The following TLE4 variants were observed in gnomAD, a reference collection of about 807,000 sequenced individuals.
TLE4 encodes the protein TLE family member 4, transcriptional corepressor.
TLE4 carries 8 observed loss-of-function variants against 92.8 expected under a neutral mutation model. That is an observed-to-expected ratio of 0.09 (90% CI 0.05 to 0.16). The LOEUF (loss-of-function observed/expected upper bound fraction) is 0.16. Among genes scored for constraint, TLE4 ranks in the 10% least tolerant of loss-of-function variants. TLE4 has a pLI of 1.00. For synonymous variants in TLE4, 371 were observed against 374.1 expected (o/e 0.99, Z 0.10); for missense variants, 675 against 997.6 (o/e 0.68, Z 4.36).
rs1457959773 is a variant in TLE4, at chr9:79,707,151, C to T, written c.936+252C>T. ...AGGGATATGGGGAAATTGAGTGAAA[C>T]ACGTCTTAGCGAAGATGAACAATGC... On this transcript the variant is annotated intron_variant, in intron 11 of 19. Transcript: ENST00000376552. 3.7e-6 allele frequency: 6 copies of T among 1,612,916 alleles called. No individual in the cohort carries two copies. In the East Asian group the frequency reaches 1.3e-4, roughly 36 times the overall value.
intron 14 of TLE4, among the ~76,000 whole-genome samples, chr9:79,713,014 C>T (rs982477923): frequency 1.3e-5 from 2 of 152,312 alleles, no homozygotes; most frequent in African/African-American, 4.8e-5. Flanking sequence ...AAACCTTCAA[C>T]GAGTATTTGT....
intron 5 of TLE4, among the ~76,000 whole-genome samples, chr9:79,626,415 G>A (rs1287453260): frequency 1.3e-5 from 2 of 152,162 alleles, no homozygotes; most frequent in Admixed American, 6.5e-5. Flanking sequence ...GTTTCACGGC[G>A]CAGTTCCTTT....
rs1554811338 is a variant in TLE4, at chr9:79,724,849, T to TGAAAA, written c.2215-188_2215-187insGAAAA. Among the ~76,000 whole-genome samples the TGAAAA allele has an allele frequency of 1.9e-4, 5 of 25,978 alleles. 1 individual carries two copies. Among genetic ancestry groups the TGAAAA allele is most frequent in the Non-Finnish European group, 2.6e-4 (4 of 15,466 alleles). The allele number at this position is 25,978 out of a possible 152,430, so 17.0% of individuals were successfully genotyped here. On this transcript the variant is annotated intron_variant, in intron 19 of 19. Transcript: ENST00000376552. ...GTGACTGAGGGAGACCCTGTCTTAT[T>TGAAAA]AAAAAAAAAAAAAAAAAAAAAAAAA...
At chr9:79,628,375 A>T (rs1189861754) in intron 6 of TLE4, among the ~76,000 whole-genome samples, 1 of 151,948 alleles carries the variant, frequency 6.6e-6, no homozygotes, top group Non-Finnish European at 1.5e-5. Context: ...GTTTACTTTC[A>T]TTAAAATTCA....
intron 4 of TLE4, among the ~76,000 whole-genome samples, chr9:79,584,033 G>C (rs911674792): frequency 2.0e-5 from 3 of 152,202 alleles, no homozygotes; most frequent in African/African-American, 7.2e-5. Context: ...GATCAGCACG[G>C]GGGTGGAGAT....
chr9:79,597,471 G>GT (rs997148645), intron 4 of TLE4, among the ~76,000 whole-genome samples: 194 of 151,858 alleles, frequency 1.3e-3, no homozygotes, highest in African/African-American at 4.4e-3. Flanking sequence ...GAATCTCAGG[G>GT]TTTTTTTTCT....
chr9:79,628,904 G>T (rs935129246), intron 6 of TLE4, among the ~76,000 whole-genome samples: 2 of 149,210 alleles, frequency 1.3e-5, no homozygotes, highest in Admixed American at 6.6e-5. Flanking sequence ...GTGTGTGTGT[G>T]TGTGTATATG....
At chr9:79,722,741 C>T in intron 18 of TLE4, 140 bp downstream of exon 18, 1 of 1,114,440 alleles carries the variant, frequency 9.0e-7, no homozygotes, top group South Asian at 1.6e-5. Context: ...TACATGCCTG[C>T]TTCCCCAACA....
At chr9:79,576,278 C>T (rs1471465615) in intron 4 of TLE4, 101 bp downstream of exon 4, 8 of 831,454 alleles carry the variant, frequency 9.6e-6, no homozygotes, top group Non-Finnish European at 1.5e-5. Context: ...GCCGTTGTGG[C>T]TACCTGTATT....
intron 8 of TLE4, among the ~76,000 whole-genome samples, chr9:79,678,215 C>A (rs112183430): frequency 1.6e-3 from 249 of 152,236 alleles, no homozygotes; most frequent in African/African-American, 5.5e-3. Flanking sequence ...GTACGTGAAT[C>A]TGCCTGTTCA....
intron 8 of TLE4, among the ~76,000 whole-genome samples, chr9:79,679,833 A>G (rs2064109482): frequency 6.6e-6 from 1 of 152,092 alleles, no homozygotes; most frequent in South Asian, 2.1e-4. Context: ...CTTTCTACAT[A>G]TGGCTAGCCA....
intron 5 of TLE4, among the ~76,000 whole-genome samples, chr9:79,613,543 A>C (rs1248877542): frequency 6.6e-6 from 1 of 152,198 alleles, no homozygotes; most frequent in Non-Finnish European, 1.5e-5. Flanking sequence ...TCATTTGCTC[A>C]GGTAAGATCC....
chr9:79,709,084 C>G (rs545128728), intron 13 of TLE4, among the ~76,000 whole-genome samples: 66 of 152,276 alleles, frequency 4.3e-4, no homozygotes, highest in African/African-American at 1.5e-3. Context: ...CTGCCTGCCA[C>G]AGCCTCCCAA....
chr9:79,573,599 C>T (rs907167168), intron 1 of TLE4, 90 bp from the exon 2 acceptor site: 3 of 1,100,236 alleles, frequency 2.7e-6, no homozygotes, highest in Non-Finnish European at 3.8e-6. Flanking sequence ...ATGACCCTCA[C>T]CCCCCGCTAA....
chr9:79,612,618 G>C, intron 4 of TLE4, 38 bp from the exon 5 acceptor site: 2 of 1,573,776 alleles, frequency 1.3e-6, no homozygotes, highest in Non-Finnish European at 1.7e-6. Context: ...CCAGCTGACT[G>C]TTCTCTTTAT....
intron 8 of TLE4, among the ~76,000 whole-genome samples, chr9:79,665,216 G>A (rs2061198267): frequency 6.6e-6 from 1 of 152,098 alleles, no homozygotes; most frequent in South Asian, 2.1e-4. Context: ...TATATTAATG[G>A]TTCCTGACTT....
In TLE4 at chr9:79,709,670, A is replaced by G; in HGVS notation, c.1311A>G (p.Pro437=). 3 of 1,614,182 alleles carry G rather than the reference A, an allele frequency of 1.9e-6. No homozygotes were observed. The East Asian group carries it at 6.7e-5, about 36-fold the overall frequency. Residue 437 remains proline (P), a synonymous_variant, in exon 14 of 20, where the codon CCA becomes CCG. Coordinates refer to ENST00000376552, the MANE Select transcript of TLE4 (RefSeq NM_007005.6). ...HHHMRVPAIP[P]NLTGIPGGKP... is the part of the protein sequence containing the mutation. Reference sequence around the variant, plus strand: ...ACATGCGTGTGCCAGCAATACCTCCAAACCTGACAGGCATTCCAGGAGGAA... The same window carrying G: ...ACATGCGTGTGCCAGCAATACCTCCGAACCTGACAGGCATTCCAGGAGGAA...
intron 11 of TLE4, 159 bp downstream of exon 11, chr9:79,707,058 G>A: frequency 6.3e-7 from 1 of 1,582,720 alleles, no homozygotes; most frequent in South Asian, 1.1e-5. Context: ...AGTATGTAGA[G>A]CAGAATAAGT....
chr9:79,598,276 G>C lies in TLE4; in HGVS notation c.253-14380G>C, dbSNP rs111812267. Among the ~76,000 whole-genome samples, 394 of 147,326 alleles carry C rather than the reference G, an allele frequency of 2.7e-3. 1 individual carries two copies. The highest frequency in any genetic ancestry group is 9.4e-3 in the African/African-American group (377 of 40,096). ...AAAAAAAAAAAAGAAAAAAAAAAAA[G>C]ACTCACTACGAGTAATGCAATAGCC... is the stretch of plus-strand genomic sequence containing the variant. On this transcript the variant is annotated intron_variant, in intron 4 of 19. Transcript: ENST00000376552.
Sources: allele counts gnomAD v4.1 joint callset (sites outside exome capture counted in the v4.1 genomes callset), GRCh38; gene constraint gnomAD v4.1.1; transcripts MANE v1.5; gene names NCBI Gene and HGNC (gene_info 2026-07-23, HGNC 2026-07-21).